The following CACNA2D3 variants were observed in gnomAD, a reference collection of about 807,000 sequenced individuals.
The protein encoded by CACNA2D3 is calcium voltage-gated channel auxiliary subunit alpha2delta 3.
Under a neutral mutation model 160.6 loss-of-function variants are expected in CACNA2D3, and 60 were observed. The observed-to-expected ratio is 0.37, with a 90% CI of 0.30 to 0.46. CACNA2D3 has a LOEUF of 0.46. CACNA2D3 is among the 20% of genes least tolerant of loss of function. The pLI is 1.00. For missense variants in CACNA2D3, 1,205 were observed against 1,365.0 expected (o/e 0.88, Z 1.85); for synonymous variants, 558 against 492.9 (o/e 1.13, Z -1.75).
rs1701628641 is a variant in CACNA2D3 at position 54,224,295 on chromosome 3, G to C, written c.205-96147G>C. Among the ~76,000 whole-genome samples, 3 of 151,848 alleles carry C rather than the reference G, an allele frequency of 2.0e-5. No individual in the cohort carries two copies. In the South Asian group the frequency reaches 6.3e-4, roughly 32 times the overall value. On this transcript the variant is annotated intron_variant, in intron 2 of 37. Transcript: ENST00000474759. ...CCATTTAACTTTTTTTTTTAATGAA[G>C]TAGAAGGAGTACACTCTAAAATAAC...
intron 5 of CACNA2D3, among the ~76,000 whole-genome samples, chr3:54,538,372 T>A (rs1701920834): frequency 6.6e-6 from 1 of 152,198 alleles, no homozygotes; most frequent in Non-Finnish European, 1.5e-5. Context: ...TCTGTTCTTT[T>A]TCTCAGTCTC....
intron 2 of CACNA2D3, among the ~76,000 whole-genome samples, chr3:54,263,725 C>T (rs957747213): frequency 4.6e-5 from 7 of 152,124 alleles, no homozygotes; most frequent in African/African-American, 1.4e-4. Context: ...GTGGATTCTG[C>T]GCTAGACCCC....
chr3:54,373,534 C>T (rs1447843615), intron 3 of CACNA2D3, among the ~76,000 whole-genome samples: 1 of 152,180 alleles, frequency 6.6e-6, no homozygotes, highest in Non-Finnish European at 1.5e-5. Context: ...TCTTCCTAAG[C>T]AAATTAAGGA....
intron 2 of CACNA2D3, among the ~76,000 whole-genome samples, chr3:54,168,164 AGAGATCT>A (rs1700494364): frequency 6.6e-6 from 1 of 152,198 alleles, no homozygotes; most frequent in South Asian, 2.1e-4. Context: ...GACTGAAAGA[AGAGATCT>A]TGAGAAGAGA....
In CACNA2D3 at chr3:54,862,718, A is replaced by G. The variant is rs990534279; in HGVS notation, c.1627-8821A>G. ...GAAATGGGGTGACAGGATATGAGTC[A>G]ATGGGCCCGAACTACTTACCACAGG... On this transcript the variant is annotated intron_variant, in intron 17 of 37. Transcript: ENST00000474759. Among the ~76,000 whole-genome samples, 10 of 152,118 alleles carry G rather than the reference A, an allele frequency of 6.6e-5. 1 individual carries two copies. Among genetic ancestry groups the G allele is most frequent in the Middle Eastern group, 3.2e-3 (1 of 316 alleles).
At chr3:54,728,255 G>A (rs1282457689) in intron 11 of CACNA2D3, among the ~76,000 whole-genome samples, 2 of 151,766 alleles carry the variant, frequency 1.3e-5, no homozygotes, top group East Asian at 1.9e-4. Flanking sequence ...TTTATTTTTT[G>A]CTTCTTCTTT....
intron 10 of CACNA2D3, among the ~76,000 whole-genome samples, chr3:54,630,773 T>G (rs1699219340): frequency 6.6e-6 from 1 of 152,132 alleles, no homozygotes; most frequent in African/African-American, 2.4e-5. Context: ...TGAATCTTTG[T>G]GAGGGAAGCA....
At chr3:54,554,870 C>CTCTTTTTTTTTTTTTTTTT (rs1274391923) in intron 5 of CACNA2D3, among the ~76,000 whole-genome samples, 2 of 96,166 alleles carry the variant, frequency 2.1e-5, no homozygotes, top group Non-Finnish European at 3.9e-5. Context: ...CTCTCACTCT[C>CTCTTTTTTTTTTTTTTTTT]TTTTTTTTTT....
chr3:54,535,717 A>G (rs1040099025), intron 5 of CACNA2D3, among the ~76,000 whole-genome samples: 3 of 152,242 alleles, frequency 2.0e-5, no homozygotes, highest in African/African-American at 7.2e-5. Context: ...AAGAGAATAT[A>G]TGATAGCAGG....
intron 11 of CACNA2D3, among the ~76,000 whole-genome samples, chr3:54,679,344 T>C (rs1220008705): frequency 6.6e-6 from 1 of 152,218 alleles, no homozygotes; most frequent in African/African-American, 2.4e-5. Context: ...CCAAGTCTAC[T>C]CAAAAGCATC....
chr3:54,162,090 A>G (rs1183060028), intron 2 of CACNA2D3, among the ~76,000 whole-genome samples: 2 of 152,162 alleles, frequency 1.3e-5, no homozygotes, highest in African/African-American at 2.4e-5. Flanking sequence ...AGGCGAGGAC[A>G]CTGGGCCAGA....
At chr3:54,130,559 TA>T (rs1379289666) in intron 2 of CACNA2D3, among the ~76,000 whole-genome samples, 2 of 147,568 alleles carry the variant, frequency 1.4e-5, no homozygotes, top group African/African-American at 5.0e-5. Flanking sequence ...GACATCCCAT[TA>T]AATTCTCCCA....
chr3:54,163,783 C>T (rs2107300488), intron 2 of CACNA2D3, among the ~76,000 whole-genome samples: 1 of 152,258 alleles, frequency 6.6e-6, no homozygotes. Context: ...GTGCCTTGGT[C>T]CCCAGAGTGA....
At chr3:54,874,379 T>G (rs1453856948) in intron 18 of CACNA2D3, among the ~76,000 whole-genome samples, 3 of 151,668 alleles carry the variant, frequency 2.0e-5, no homozygotes, top group East Asian at 1.9e-4. Flanking sequence ...CCAGTGTAGA[T>G]CCCCTCTGGG....
At chr3:54,323,616 GC>G (rs1704058213) in intron 3 of CACNA2D3, among the ~76,000 whole-genome samples, 1 of 151,912 alleles carries the variant, frequency 6.6e-6, no homozygotes, top group Admixed American at 6.6e-5. Flanking sequence ...ACAGGCACCC[GC>G]CACCATGCCC....
intron 2 of CACNA2D3, among the ~76,000 whole-genome samples, chr3:54,233,287 G>A (rs181858191): frequency 2.4e-4 from 36 of 152,322 alleles, no homozygotes; most frequent in Non-Finnish European, 4.1e-4. Context: ...AGGCTGGCAT[G>A]ATGTGGAATG....
chr3:54,924,056 T>A (rs970766552), intron 27 of CACNA2D3, among the ~76,000 whole-genome samples: 2 of 152,234 alleles, frequency 1.3e-5, no homozygotes, highest in Admixed American at 6.5e-5. Context: ...TTTAATAGTC[T>A]GAGATCTCTT....
At chr3:54,547,413 G>A (rs563733927) in intron 5 of CACNA2D3, among the ~76,000 whole-genome samples, 48 of 152,196 alleles carry the variant, frequency 3.2e-4, no homozygotes, top group Middle Eastern at 3.4e-3. Flanking sequence ...TGGAACTCTG[G>A]GAGGGGCCAG....
In CACNA2D3 at chr3:54,148,996, A is replaced by T. The variant is rs1013020703; in HGVS notation, c.204+25402A>T. On this transcript the variant is annotated intron_variant, in intron 2 of 37. Coordinates refer to ENST00000474759, the MANE Select transcript of CACNA2D3 (RefSeq NM_018398.3). Reference sequence around the variant, plus strand: ...CATCAAAAAAAAAAAAAAAAAAAAAATAGACAACTCAAGCACCAACCAATA... The same window carrying T: ...CATCAAAAAAAAAAAAAAAAAAAAATTAGACAACTCAAGCACCAACCAATA... Among the ~76,000 whole-genome samples the T allele has an allele frequency of 6.1e-5, 9 of 148,456 alleles. 1 individual carries two copies. Among genetic ancestry groups the T allele is most frequent in the East Asian group, 3.9e-4 (2 of 5,124 alleles).
Sources: allele counts gnomAD v4.1 joint callset (sites outside exome capture counted in the v4.1 genomes callset), GRCh38; gene constraint gnomAD v4.1.1; transcripts MANE v1.5; gene names NCBI Gene and HGNC (gene_info 2026-07-23, HGNC 2026-07-21).